The following ABCA2 variants were observed in gnomAD, a reference collection of about 807,000 sequenced individuals.
ABCA2 encodes ATP binding cassette subfamily A member 2, also known as ATP-binding cassette sub-family A member 2.
Under a neutral mutation model 262.8 loss-of-function variants are expected in ABCA2, and 84 were observed. The ratio of observed to expected loss-of-function variants is 0.32; its 90% CI spans 0.27 to 0.38. ABCA2 has a LOEUF of 0.38. ABCA2 is among the 10% of genes least tolerant of loss of function. ABCA2 has a pLI of 1.00. For synonymous variants in ABCA2, 1,696 were observed against 1,502.9 expected, an observed-to-expected ratio of 1.13 and a Z score of -2.97; for missense variants, 2,662 against 3,405.9, an observed-to-expected ratio of 0.78 and a Z score of 5.44.
chr9:137,013,794 G>T (rs749092281), intron 28 of ABCA2, 38 bp downstream of exon 28: 6 of 1,567,626 alleles, frequency 3.8e-6, no homozygotes, highest in Non-Finnish European at 5.2e-6. Context: ...GCGGTGGGGG[G>T]AGGCAAGCCC....
intron 39 of ABCA2, 40 bp from the exon 40 acceptor site, chr9:137,010,777 C>A (rs748588348): frequency 1.3e-6 from 2 of 1,575,460 alleles, no homozygotes; most frequent in Non-Finnish European, 1.7e-6. Context: ...AGCTCGCCAC[C>A]CCCACTGCCC....
Position 137,022,472 on chromosome 9 carries a change from G to A in ABCA2, c.446C>T (p.Ser149Phe). ...TCTGGCCACCGAGTCCAGAGAGAAG[G>A]AAGACACTGGACAGGCAGGAAGGCG... Reference protein sequence around the residue: ...GSHLDRSTVSSFSLDSVARNP... With the variant: ...GSHLDRSTVSFFSLDSVARNP... The change falls in exon 6 of 49, where the codon TCC becomes TTC. Residue 149 changes from serine to phenylalanine, a missense_variant. Physicochemically the swap from Ser to Phe is radical, Grantham distance 155 (BLOSUM62 -2). Transcript: ENST00000341511. The A allele has an allele frequency of 1.2e-6, 2 of 1,611,674 alleles. No homozygotes were observed. Among genetic ancestry groups the A allele is most frequent in the Non-Finnish European group, 1.7e-6 (2 of 1,179,584 alleles).
intron 1 of ABCA2, among the ~76,000 whole-genome samples, chr9:137,025,080 A>T (rs965098622): frequency 6.6e-6 from 1 of 152,026 alleles, no homozygotes; most frequent in African/African-American, 2.4e-5. Flanking sequence ...GCCCAAAGGC[A>T]CCTCTTTCTG....
At chr9:137,008,900 G>GCCCCCCCCCCCCCCGACCGCCC in intron 46 of ABCA2, 32 bp from the exon 47 acceptor site, 1 of 1,555,286 alleles carries the variant, frequency 6.4e-7, no homozygotes, top group Non-Finnish European at 8.7e-7. Context: ...GCCTGGCAGC[G>GCCCCCCCCCCCCCCGACCGCCC]CCCCCCCACC....
Position 137,014,160 on chromosome 9 carries a change from A to AC in ABCA2, c.4240+7dup. ...CTTGCTGTCCCAGCCTCACCCTGCC[A>AC]CCCCCACCTTGCAGGCTGACATTGT... On this transcript the variant is annotated splice_region_variant and intron_variant, in intron 27 of 48. Coordinates refer to ENST00000341511, the MANE Select transcript of ABCA2 (RefSeq NM_001606.5). 1 of 1,602,082 alleles carries AC rather than the reference A, an allele frequency of 6.2e-7. No homozygotes were observed. The highest frequency in any genetic ancestry group is 1.7e-5 in the Admixed American group (1 of 58,970).
In ABCA2 at chr9:137,021,593, A is replaced by G. The variant is rs760722408; in HGVS notation, c.696T>C (p.Pro232=). The change falls in exon 8 of 49, where the codon CCT becomes CCC. Residue 232 remains proline, a synonymous_variant. Coordinates refer to ENST00000341511, the MANE Select transcript of ABCA2 (RefSeq NM_001606.5). The surrounding 1 kb of genome is among the most constrained non-coding windows in gnomAD (Gnocchi z 6.0). ...LFRMEELLLA[P]ALLEQLTCTP... ...TGCAGGTGAGCTGCTCCAGGAGGGC[A>G]GGAGCCAGCAGCAGCTCCTGGGATG... 1 of 1,557,548 alleles carries G rather than the reference A, an allele frequency of 6.4e-7. No individual in the cohort carries two copies. The highest frequency in any genetic ancestry group is 1.9e-5 in the Admixed American group (1 of 51,768).
chr9:137,019,374 C>A lies in ABCA2; in HGVS notation c.1426-68G>T. On this transcript the variant is annotated intron_variant, in intron 10 of 48. Transcript: ENST00000341511. This position sits in a 1 kb window ranked among gnomAD's most constrained non-coding sequence, Gnocchi z 4.4. ...CCCACCGACTTGGGGGCTCTCACCC[C>A]ACTCACCTCCCCAGTGGCTGGTCCA... 1 of 1,573,388 alleles carries A rather than the reference C, an allele frequency of 6.4e-7. No individual in the cohort carries two copies. Among genetic ancestry groups the A allele is most frequent in the Admixed American group, 1.8e-5 (1 of 56,938 alleles).
intron 24 of ABCA2, 125 bp downstream of exon 24, chr9:137,015,289 G>A: frequency 3.1e-6 from 4 of 1,292,640 alleles, no homozygotes; most frequent in Non-Finnish European, 4.2e-6. Flanking sequence ...GGCGGGCCAG[G>A]CCCCAGCAGG....
intron 27 of ABCA2, 60 bp from the exon 28 acceptor site, chr9:137,014,098 C>T: frequency 1.9e-6 from 3 of 1,591,840 alleles, no homozygotes; most frequent in Non-Finnish European, 1.7e-6. Flanking sequence ...CTACTGGCTG[C>T]CCTCATGCCG....
In ABCA2 at chr9:137,016,477, C is replaced by T. The variant is rs2131449301; in HGVS notation, c.2924-6G>A. Reference sequence around the variant, plus strand: ...CTCCATGCCACGGGTCTCCTCTGCACCAGGGCTGTGGATCAGCAGGGTGGG... The same window carrying T: ...CTCCATGCCACGGGTCTCCTCTGCATCAGGGCTGTGGATCAGCAGGGTGGG... On this transcript the variant is annotated splice_polypyrimidine_tract_variant and splice_region_variant and intron_variant, in intron 20 of 48. Transcript: ENST00000341511. 6.2e-7 allele frequency: 1 copy of T among 1,612,744 alleles called. No individual in the cohort carries two copies. Among genetic ancestry groups the T allele is most frequent in the East Asian group, 2.2e-5 (1 of 44,880 alleles).
rs373681636 is a variant in ABCA2 at position 137,011,994 on chromosome 9, G to A, written c.5385C>T (p.Ile1795=). Residue 1795 remains isoleucine (I), a synonymous_variant, in exon 35 of 49, where the codon ATC becomes ATT. Transcript: ENST00000341511. This position sits in a 1 kb window ranked among gnomAD's most constrained non-coding sequence, Gnocchi z 8.8. ...DYLLQGTDVV[I]AIFIIVAMSF... ...ACATGGCCACGATGATGAAGATGGC[G>A]ATGACGACATCCGTGCCCTGCAGCC... 8.4e-5 allele frequency: 136 copies of A among 1,612,546 alleles called. 1 individual carries two copies. The highest frequency in any genetic ancestry group is 2.3e-4 in the South Asian group (21 of 91,092).
intron 25 of ABCA2, 24 bp downstream of exon 25, chr9:137,014,889 C>T (rs767186321): frequency 3.2e-6 from 5 of 1,576,900 alleles, no homozygotes; most frequent in Admixed American, 1.8e-5. Context: ...CTGCAACTGC[C>T]CCCCGACCCG....
intron 1 of ABCA2, among the ~76,000 whole-genome samples, chr9:137,026,915 G>C (rs921860033): frequency 1.3e-5 from 2 of 152,236 alleles, no homozygotes; most frequent in Admixed American, 1.3e-4. Flanking sequence ...CCAGGTGCCT[G>C]GCCAGGGCAT....
In ABCA2 at chr9:137,021,338, CCTT is replaced by C; in HGVS notation, c.897+51_897+53del. 1 of 1,584,414 alleles carries C rather than the reference CCTT, an allele frequency of 6.3e-7. No individual in the cohort carries two copies. Among genetic ancestry groups the C allele is most frequent in the Non-Finnish European group, 8.5e-7 (1 of 1,169,726 alleles). ...AGCTCTCCAAGCGGTCCCAGCCCCT[CCTT>C]CAACTCAGGCAGCAAGCAGCGCAGC... is the stretch of plus-strand genomic sequence containing the variant. On this transcript the variant is annotated intron_variant, in intron 8 of 48. Transcript: ENST00000341511. The surrounding 1 kb of genome is among the most constrained non-coding windows in gnomAD (Gnocchi z 6.0).
intron 5 of ABCA2, 88 bp downstream of exon 5, chr9:137,022,614 G>A: frequency 6.4e-7 from 1 of 1,556,258 alleles, no homozygotes; most frequent in Non-Finnish European, 8.7e-7. Context: ...TGCAGGTGGA[G>A]GGGCCCAGAG....
At position 137,011,976 on chromosome 9, in the gene ABCA2, C is replaced by A; in HGVS notation, c.5403G>T (p.Val1801=). The change falls in exon 35 of 49, where the codon GTG becomes GTT. Residue 1801 remains valine, a synonymous_variant. Coordinates refer to ENST00000341511, the MANE Select transcript of ABCA2 (RefSeq NM_001606.5). The surrounding 1 kb of genome is among the most constrained non-coding windows in gnomAD (Gnocchi z 8.8). Reference sequence around the variant, plus strand: ...AGCTGGCCGGCACGAAGGACATGGCCACGATGATGAAGATGGCGATGACGA... The same window carrying A: ...AGCTGGCCGGCACGAAGGACATGGCAACGATGATGAAGATGGCGATGACGA... ...TDVVIAIFII[V]AMSFVPASFV... is the part of the protein sequence containing the mutation. 6.2e-7 allele frequency: 1 copy of A among 1,612,668 alleles called. No homozygotes were observed. Among genetic ancestry groups the A allele is most frequent in the Non-Finnish European group, 8.5e-7 (1 of 1,179,946 alleles).
In ABCA2 at chr9:137,024,038, G is replaced by T. The variant is rs557600160; in HGVS notation, c.160+105C>A. 3.4e-5 allele frequency: 52 copies of T among 1,513,912 alleles called. No individual in the cohort carries two copies. The African/African-American group carries it at 7.2e-4, about 21-fold the overall frequency. The allele number at this position is 1,513,912 out of a possible 1,614,324, so 93.8% of individuals were successfully genotyped here. A position where few individuals can be genotyped will look rare whatever the true frequency, so the allele number is the denominator to read the frequency against. ...ACAGGGGAGCAGGCACCGCACCTCA[G>T]GGACTCCGGGAGCAGGACACCCGTG... On this transcript the variant is annotated intron_variant, in intron 2 of 48. Transcript: ENST00000341511.
At chr9:137,015,348 G>A in intron 24 of ABCA2, 66 bp downstream of exon 24, 3 of 1,488,498 alleles carry the variant, frequency 2.0e-6, no homozygotes, top group Non-Finnish European at 2.7e-6. Flanking sequence ...CTCCATTGTG[G>A]ATTCTCAGGT....
rs1295082767 is a variant in ABCA2, at chr9:137,013,520, G to A, written c.4491C>T (p.Asn1497=). Residue 1497 remains asparagine, a synonymous_variant, in exon 29 of 49, where the codon AAC becomes AAT. Coordinates refer to ENST00000341511, the MANE Select transcript of ABCA2 (RefSeq NM_001606.5). The part of the protein sequence containing the change: ...PLVLSPSQYH[N]YTQPRGNFIP... ...TGAAATTGCCACGGGGCTGGGTGTA[G>A]TTGTGGTACTGGGAAGGTGACAGGA... The A allele has an allele frequency of 1.2e-6, 2 of 1,610,434 alleles. No homozygotes were observed. Among genetic ancestry groups the A allele is most frequent in the African/African-American group, 1.3e-5 (1 of 75,062 alleles).
Sources: allele counts gnomAD v4.1 joint callset (sites outside exome capture counted in the v4.1 genomes callset), GRCh38; gene constraint gnomAD v4.1.1; non-coding constraint Gnocchi (gnomAD v3.1); transcripts MANE v1.5; gene names NCBI Gene and HGNC (gene_info 2026-07-23, HGNC 2026-07-21).